VAMP4: variants seen among roughly 807,000 people sequenced by gnomAD.
VAMP4 encodes the protein vesicle-associated membrane protein 4.
A neutral mutation model predicts 23.5 loss-of-function variants in VAMP4; 19 were observed. That is an observed-to-expected ratio of 0.81 (90% CI 0.56 to 1.19). VAMP4 has a LOEUF of 1.19. VAMP4 is among the 50% of genes most tolerant of loss of function. The pLI is 0.00. For synonymous variants in VAMP4, 31 were observed against 51.0 expected, an observed-to-expected ratio of 0.61 and a Z score of 1.67; for missense variants, 145 against 168.6, an observed-to-expected ratio of 0.86 and a Z score of 0.78.
rs78932749 is a variant in VAMP4, at chr1:171,714,781, A to C, written c.165-3967T>G. ...TGAGAACCTGTGTCTAAGAAAAAAAAAGTTATTATTATGCTATTCATCAAG... is the reference window on the plus strand; with the variant it reads ...TGAGAACCTGTGTCTAAGAAAAAAACAGTTATTATTATGCTATTCATCAAG... On this transcript the variant is annotated intron_variant, in intron 4 of 7. Transcript: ENST00000236192. Among the ~76,000 whole-genome samples, 1,116 of 152,296 alleles carry C rather than the reference A, an allele frequency of 7.3e-3. 14 individuals carry two copies. The highest frequency in any genetic ancestry group is 0.025 in the African/African-American group (1,058 of 41,558).
At chr1:171,724,657 T>C (rs1655309162) in intron 3 of VAMP4, among the ~76,000 whole-genome samples, 1 of 152,176 alleles carries the variant, frequency 6.6e-6, no homozygotes, top group African/African-American at 2.4e-5. Flanking sequence ...CAAATTCATC[T>C]ATAGGTTCAA....
At position 171,741,912 on chromosome 1, in the gene VAMP4, G is replaced by C. The variant is rs1655937233; in HGVS notation, c.-52C>G. 8.8e-6 allele frequency: 1 copy of C among 113,774 alleles called. No individual in the cohort carries two copies. The allele number at this position is 113,774 out of a possible 1,614,324, so 7.0% of individuals were successfully genotyped here. On this transcript the variant is annotated splice_region_variant and 5_prime_UTR_variant, in exon 1 of 8. Transcript: ENST00000236192. ...TGCGAACAGGCCAGCGCCAGTACCT[G>C]AGGCTCCCGGGGAACTCCCGGCAGC...
At chr1:171,736,952 C>T (rs1464525191) in intron 2 of VAMP4, among the ~76,000 whole-genome samples, 1 of 152,072 alleles carries the variant, frequency 6.6e-6, no homozygotes, top group African/African-American at 2.4e-5. Context: ...ACTTCAGCCT[C>T]AATGACAGAG....
chr1:171,717,084 G>A (rs1230266001), intron 4 of VAMP4, among the ~76,000 whole-genome samples: 2 of 152,272 alleles, frequency 1.3e-5, no homozygotes, highest in East Asian at 3.9e-4. Flanking sequence ...CTGTACAACT[G>A]GTGGTGGTTT....
intron 4 of VAMP4, among the ~76,000 whole-genome samples, chr1:171,717,477 G>A (rs1339314237): frequency 6.6e-6 from 1 of 152,040 alleles, no homozygotes; most frequent in East Asian, 1.9e-4. Flanking sequence ...CTATCATAAG[G>A]CAGTTTCTTA....
intron 4 of VAMP4, among the ~76,000 whole-genome samples, chr1:171,713,055 C>A (rs927326929): frequency 6.6e-6 from 1 of 152,156 alleles, no homozygotes; most frequent in African/African-American, 2.4e-5. Context: ...AATGCAGTGA[C>A]CTTGCCTATT....
chr1:171,729,075 T>C (rs1655476551), intron 2 of VAMP4, among the ~76,000 whole-genome samples: 1 of 152,184 alleles, frequency 6.6e-6, no homozygotes, highest in Non-Finnish European at 1.5e-5. Context: ...AAATTTGAAC[T>C]TCCAAACAAA....
chr1:171,733,692 G>T (rs955585811), intron 2 of VAMP4, among the ~76,000 whole-genome samples: 4 of 152,168 alleles, frequency 2.6e-5, no homozygotes, highest in African/African-American at 9.7e-5. Flanking sequence ...TGTTGGTGAG[G>T]ATGTGGAGAA....
chr1:171,734,532 T>C (rs1655674344), intron 2 of VAMP4, among the ~76,000 whole-genome samples: 1 of 152,200 alleles, frequency 6.6e-6, no homozygotes, highest in South Asian at 2.1e-4. Context: ...TTGTGGTGAT[T>C]GTTGCACAAC....
rs1654558418 is a variant in VAMP4 at position 171,703,820 on chromosome 1, T to C, written c.*686A>G. The stretch of plus-strand genomic sequence containing the variant: ...CTCCAATGACACTCTTCAATAACTT[T>C]ATTATCTCCAGTTTTATGATGCCAT... On this transcript the variant is annotated 3_prime_UTR_variant, in exon 8 of 8. Coordinates refer to ENST00000236192, the MANE Select transcript of VAMP4 (RefSeq NM_003762.5). 6.6e-6 allele frequency: 1 copy of C among 152,280 alleles called. No homozygotes were observed. The highest frequency in any genetic ancestry group is 2.4e-5 in the African/African-American group (1 of 41,406). The allele number at this position is 152,280 out of a possible 1,614,324, so 9.4% of individuals were successfully genotyped here.
intron 3 of VAMP4, 32 bp from the exon 4 acceptor site, chr1:171,719,253 G>A (rs551226765): frequency 1.3e-6 from 2 of 1,566,758 alleles, no homozygotes; most frequent in Non-Finnish European, 1.7e-6. Context: ...GTACATATTA[G>A]TAGTGACAGG....
chr1:171,721,426 T>A (rs1036211364), intron 3 of VAMP4, among the ~76,000 whole-genome samples: 1 of 152,166 alleles, frequency 6.6e-6, no homozygotes, highest in African/African-American at 2.4e-5. Context: ...ATAAAAACAC[T>A]ACTAAAACTA....
Position 171,706,429 on chromosome 1 carries a change from C to A in VAMP4, c.346-11G>T. 1 of 1,603,932 alleles carries A rather than the reference C, an allele frequency of 6.2e-7. No individual in the cohort carries two copies. The highest frequency in any genetic ancestry group is 8.5e-7 in the Non-Finnish European group (1 of 1,175,152). The stretch of plus-strand genomic sequence containing the variant: ...CATGATGGCTTTTATCTACAACACA[C>A]AAAAGGGCATATATATTAATATTTG... On this transcript the variant is annotated splice_polypyrimidine_tract_variant and intron_variant, in intron 6 of 7. Transcript: ENST00000236192.
chr1:171,705,681 A>AT (rs60051769), intron 7 of VAMP4, among the ~76,000 whole-genome samples: 5 of 152,076 alleles, frequency 3.3e-5, no homozygotes, highest in Non-Finnish European at 7.4e-5. Context: ...GTAACAAAAC[A>AT]TTTTTTTCTG....
chr1:171,710,213 C>A (rs1654804159), intron 5 of VAMP4, among the ~76,000 whole-genome samples: 1 of 146,310 alleles, frequency 6.8e-6, no homozygotes, highest in Non-Finnish European at 1.5e-5. Context: ...TAAAGTCTGT[C>A]AAAGATTAAT....
At chr1:171,720,797 C>T (rs549657494) in intron 3 of VAMP4, among the ~76,000 whole-genome samples, 1 of 152,152 alleles carries the variant, frequency 6.6e-6, no homozygotes, top group Non-Finnish European at 1.5e-5. Flanking sequence ...ACTTTCCCAA[C>T]TCATTATCCA....
At position 171,702,806 on chromosome 1, in the gene VAMP4, A is replaced by G. The variant is rs974297187; in HGVS notation, c.*1700T>C. 1 of 152,048 alleles carries G rather than the reference A, an allele frequency of 6.6e-6. No homozygotes were observed. 9.4% of individuals were successfully genotyped at this position (152,048 alleles called of 1,614,324 possible). On this transcript the variant is annotated 3_prime_UTR_variant, in exon 8 of 8. Transcript: ENST00000236192. Reference sequence around the variant, plus strand: ...AGAGCATAGAGACCAAAGACAATATACACTATAGTATGTAAGACCTTTATC... The same window carrying G: ...AGAGCATAGAGACCAAAGACAATATGCACTATAGTATGTAAGACCTTTATC...
intron 6 of VAMP4, among the ~76,000 whole-genome samples, chr1:171,708,913 CTTGAAA>C (rs1171126884): frequency 7.5e-6 from 1 of 133,892 alleles, no homozygotes; most frequent in Non-Finnish European, 1.6e-5. Flanking sequence ...TATTGCTAAA[CTTGAAA>C]TTGAAAATGA....
At chr1:171,739,105 A>G (rs1363749113) in intron 1 of VAMP4, among the ~76,000 whole-genome samples, 1 of 152,196 alleles carries the variant, frequency 6.6e-6, no homozygotes, top group Non-Finnish European at 1.5e-5. Flanking sequence ...TGCTAATAAG[A>G]TGACTGGTAG....
Sources: allele counts gnomAD v4.1 joint callset (sites outside exome capture counted in the v4.1 genomes callset), GRCh38; gene constraint gnomAD v4.1.1; transcripts MANE v1.5; gene names NCBI Gene and HGNC (gene_info 2026-07-23, HGNC 2026-07-21).